The following LYPLA1 variants were observed in gnomAD, a reference collection of about 807,000 sequenced individuals.
The protein encoded by LYPLA1 is lysophospholipase 1.
In LYPLA1, 17 loss-of-function variants were observed where a neutral mutation model predicts 34.0. The ratio of observed to expected loss-of-function variants is 0.50; its 90% confidence interval spans 0.34 to 0.75. The LOEUF (loss-of-function observed/expected upper bound fraction) is 0.75. Among genes scored for constraint, LYPLA1 ranks in the 30% least tolerant of loss-of-function variants. LYPLA1 has a pLI of 0.01. For synonymous variants in LYPLA1, 98 were observed against 100.8 expected (o/e 0.97, Z 0.17); for missense variants, 203 against 288.8 (o/e 0.70, Z 2.15).
At position 54,048,101 on chromosome 8, in the gene LYPLA1, C is replaced by T. The variant is rs547596792; in HGVS notation, c.657G>A (p.Lys219=). The T allele has an allele frequency of 9.9e-6, 16 of 1,609,398 alleles. No individual in the cohort carries two copies. In the South Asian group the frequency reaches 1.5e-4, roughly 15 times the overall value. The change falls in exon 9 of 9, where the codon AAG becomes AAA. Residue 219 remains lysine (K), a synonymous_variant. Coordinates refer to ENST00000316963, the MANE Select transcript of LYPLA1 (RefSeq NM_006330.4). The part of the protein sequence containing the change: ...SSCQQEMMDV[K]QFIDKLLPPI... ...GAGGTAGGAGTTTATCAATGAATTGCTTGACATCCATCATTTCCTGTTTGG... is the reference window on the plus strand; with the variant it reads ...GAGGTAGGAGTTTATCAATGAATTGTTTGACATCCATCATTTCCTGTTTGG...
chr8:54,098,551 C>T (rs932704158), intron 2 of LYPLA1, among the ~76,000 whole-genome samples: 2 of 152,132 alleles, frequency 1.3e-5, no homozygotes, highest in African/African-American at 2.4e-5. Flanking sequence ...CGTGGTAGCA[C>T]GCGCCTGTAA....
Position 54,055,142 on chromosome 8 carries a change from A to T in LYPLA1, c.287-9T>A. 11 of 1,548,922 alleles carry T rather than the reference A, an allele frequency of 7.1e-6. No homozygotes were observed. The highest frequency in any genetic ancestry group is 9.8e-6 in the Non-Finnish European group (11 of 1,122,380). ...ATCAATCAAAGCTTTTACTAAAAACAACATGAAAGTTAGTCAGCAATACTT... is the reference window on the plus strand; with the variant it reads ...ATCAATCAAAGCTTTTACTAAAAACTACATGAAAGTTAGTCAGCAATACTT... On this transcript the variant is annotated splice_polypyrimidine_tract_variant and intron_variant, in intron 5 of 8. Transcript: ENST00000316963.
At chr8:54,085,807 TGG>T (rs369437185) in intron 2 of LYPLA1, among the ~76,000 whole-genome samples, 1,335 of 131,994 alleles carry the variant, frequency 0.01, 22 homozygotes, top group African/African-American at 0.032. Context: ...GTCCGCGAGG[TGG>T]GGGGGGGGCA....
intron 1 of LYPLA1, among the ~76,000 whole-genome samples, chr8:54,101,189 C>A (rs1390834890): frequency 6.6e-6 from 1 of 151,652 alleles, no homozygotes; most frequent in Non-Finnish European, 1.5e-5. Context: ...ACATTGAGTG[C>A]AAATGATCAC....
At chr8:54,098,889 T>C (rs1451728243) in intron 2 of LYPLA1, among the ~76,000 whole-genome samples, 2 of 152,108 alleles carry the variant, frequency 1.3e-5, no homozygotes, top group African/African-American at 2.4e-5. Context: ...AGTTTCATCA[T>C]GCACTCATGG....
intron 2 of LYPLA1, among the ~76,000 whole-genome samples, chr8:54,095,468 C>T (rs1354595103): frequency 6.6e-6 from 1 of 152,064 alleles, no homozygotes; most frequent in Admixed American, 6.5e-5. Flanking sequence ...ATCAAGGTAT[C>T]TCCCCACAAA....
chr8:54,079,505 A>G (rs1438870620), intron 2 of LYPLA1, among the ~76,000 whole-genome samples: 3 of 152,254 alleles, frequency 2.0e-5, no homozygotes, highest in East Asian at 1.9e-4. Context: ...CAAGCAGCAT[A>G]TAAGATAAAA....
chr8:54,078,709 T>G lies in LYPLA1; in HGVS notation c.102-12896A>C, dbSNP rs563876893. Among the ~76,000 whole-genome samples the G allele has an allele frequency of 3.3e-5, 5 of 152,276 alleles. No individual in the cohort carries two copies. The South Asian group carries it at 1.0e-3, about 32-fold the overall frequency. The stretch of plus-strand genomic sequence containing the variant: ...AGAGATGAAGTTGAGGGAAATGAGC[T>G]GTTTGCCCTGAGGTAAGTCTGAAAA... On this transcript the variant is annotated intron_variant, in intron 2 of 8. Coordinates refer to ENST00000316963, the MANE Select transcript of LYPLA1 (RefSeq NM_006330.4).
chr8:54,054,977 A>C, intron 6 of LYPLA1, 83 bp downstream of exon 6: 1 of 801,362 alleles, frequency 1.2e-6, no homozygotes. Context: ...ATCAAAAAAG[A>C]CTACTCTATA....
chr8:54,080,615 CCT>C (rs534521456), intron 2 of LYPLA1, among the ~76,000 whole-genome samples: 3 of 152,018 alleles, frequency 2.0e-5, no homozygotes, highest in African/African-American at 7.2e-5. Flanking sequence ...TGAGATGGAG[CCT>C]CTCTCTGTTG....
chr8:54,052,172 T>A (rs1011623534), intron 7 of LYPLA1, among the ~76,000 whole-genome samples: 2 of 152,132 alleles, frequency 1.3e-5, no homozygotes. Flanking sequence ...ATGATTTCTA[T>A]ATGTTAAAAA....
intron 2 of LYPLA1, among the ~76,000 whole-genome samples, chr8:54,095,746 A>C (rs1344184413): frequency 6.6e-6 from 1 of 151,048 alleles, no homozygotes; most frequent in Admixed American, 6.6e-5. Context: ...TAACTGGCTT[A>C]CACTTTTTTT....
chr8:54,055,538 C>T (rs1806146904), intron 5 of LYPLA1, among the ~76,000 whole-genome samples: 1 of 151,986 alleles, frequency 6.6e-6, no homozygotes, highest in African/African-American at 2.4e-5. Context: ...TAATCCATGA[C>T]CATGGAATAT....
intron 5 of LYPLA1, among the ~76,000 whole-genome samples, chr8:54,061,054 A>C (rs1394940939): frequency 6.6e-6 from 1 of 151,552 alleles, no homozygotes; most frequent in Non-Finnish European, 1.5e-5. Flanking sequence ...TGTTATTCCA[A>C]GTCTCTTTAA....
At chr8:54,056,095 C>T (rs371413810) in intron 5 of LYPLA1, among the ~76,000 whole-genome samples, 3 of 152,244 alleles carry the variant, frequency 2.0e-5, no homozygotes, top group East Asian at 3.9e-4. Flanking sequence ...AAAACAGACA[C>T]ACAGACTAAA....
chr8:54,100,978 T>C (rs1294393037), intron 1 of LYPLA1, 39 bp from the exon 2 acceptor site: 5 of 1,551,050 alleles, frequency 3.2e-6, no homozygotes, highest in Non-Finnish European at 3.6e-6. Flanking sequence ...AATGCCTAAA[T>C]AAGCCCACAC....
At chr8:54,067,832 C>CA (rs1563600484) in intron 2 of LYPLA1, among the ~76,000 whole-genome samples, 27 of 151,578 alleles carry the variant, frequency 1.8e-4, no homozygotes, top group African/African-American at 6.0e-4. Context: ...AGTAGGCGCC[C>CA]GCCACCACAC....
At chr8:54,097,254 T>C (rs1416208292) in intron 2 of LYPLA1, among the ~76,000 whole-genome samples, 1 of 152,118 alleles carries the variant, frequency 6.6e-6, no homozygotes, top group African/African-American at 2.4e-5. Context: ...AGTCTACTGA[T>C]GCGCGCAATG....
In LYPLA1 at chr8:54,085,846, C is replaced by T. The variant is rs531893647; in HGVS notation, c.101+15062G>A. Among the ~76,000 whole-genome samples, 13 of 122,948 alleles carry T rather than the reference C, an allele frequency of 1.1e-4. No individual in the cohort carries two copies. The South Asian group carries it at 2.0e-3, about 19-fold the overall frequency. The allele number at this position is 122,948 out of a possible 152,430, so 80.7% of individuals were successfully genotyped here. A position where few individuals can be genotyped will look rare whatever the true frequency, so the allele number is the denominator to read the frequency against. Reference sequence around the variant, plus strand: ...CCCCCGGCCGGCCAGCCGCCCCGTCCGCGAGGTGGGGGGGGCGCCTCTGCC... The same window carrying T: ...CCCCCGGCCGGCCAGCCGCCCCGTCTGCGAGGTGGGGGGGGCGCCTCTGCC... On this transcript the variant is annotated intron_variant, in intron 2 of 8. Transcript: ENST00000316963.
Sources: allele counts gnomAD v4.1 joint callset (sites outside exome capture counted in the v4.1 genomes callset), GRCh38; gene constraint gnomAD v4.1.1; transcripts MANE v1.5; gene names NCBI Gene and HGNC (gene_info 2026-07-23, HGNC 2026-07-21).